WRN: variants seen among roughly 807,000 people sequenced by gnomAD.
WRN encodes bifunctional 3'-5' exonuclease/ATP-dependent helicase WRN.
Under a neutral mutation model 180.7 loss-of-function variants are expected in WRN, and 149 were observed. The observed-to-expected ratio is 0.82, with a 90% CI of 0.72 to 0.94. The LOEUF (loss-of-function observed/expected upper bound fraction) is 0.94. WRN is among the 40% of genes least tolerant of loss of function. The pLI is 0.00. For missense variants in WRN, 1,661 were observed against 1,700.1 expected, an observed-to-expected ratio of 0.98 and a Z score of 0.40; for synonymous variants, 548 against 568.9, an observed-to-expected ratio of 0.96 and a Z score of 0.52.
At chr8:31,067,237 A>C in intron 6 of WRN, 55 bp downstream of exon 6, 2 of 1,595,080 alleles carry the variant, frequency 1.3e-6, no homozygotes, top group Non-Finnish European at 1.7e-6. Context: ...CATTATTATA[A>C]ATGACTTTAG....
rs769291583 is a variant in WRN, at chr8:31,068,303, G to C, written c.700G>C (p.Val234Leu). 18 of 1,608,750 alleles carry C rather than the reference G, an allele frequency of 1.1e-5. No individual in the cohort carries two copies. In the Admixed American group the frequency reaches 3.0e-4, roughly 27 times the overall value. Residue 234 changes from valine (V) to leucine (L), a missense_variant, in exon 7 of 35, where the codon GTG becomes CTG. Physicochemically the swap from Val to Leu is conservative, Grantham distance 32. Transcript: ENST00000298139. ...AAATTTAGAGATTTTGGATGATACT[G>C]TGCAAAGGTTTGCTATAAATAAAGG... ...YRNLEILDDT[V>L]QRFAINKEEE...
intron 8 of WRN, among the ~76,000 whole-genome samples, chr8:31,078,655 G>T (rs928569158): frequency 6.6e-6 from 1 of 152,184 alleles, no homozygotes; most frequent in Non-Finnish European, 1.5e-5. Flanking sequence ...GACTCTGAAG[G>T]TATTGGCAGT....
rs55952524 is a variant in WRN, at chr8:31,125,971, A to AATATATATATATATATATATAT, written c.2825+978_2825+999dup. Among the ~76,000 whole-genome samples, 122 of 145,588 alleles carry AATATATATATATATATATATAT rather than the reference A, an allele frequency of 8.4e-4. 1 individual carries two copies. The highest frequency in any genetic ancestry group is 3.1e-3 in the African/African-American group (121 of 38,622). On this transcript the variant is annotated intron_variant, in intron 23 of 34. Transcript: ENST00000298139. ...TCACAACCAAGAAGACATCATCCTA[A>AATATATATATATATATATATAT]ATATATATATATATATATATATATA...
At chr8:31,108,239 C>T (rs572013126) in intron 18 of WRN, among the ~76,000 whole-genome samples, 20 of 152,286 alleles carry the variant, frequency 1.3e-4, no homozygotes, top group Middle Eastern at 3.4e-3. Context: ...CAGTTTGCTT[C>T]TGAAAATTAA....
At chr8:31,090,160 G>T (rs1023845523) in intron 13 of WRN, among the ~76,000 whole-genome samples, 2 of 150,214 alleles carry the variant, frequency 1.3e-5, no homozygotes, top group Non-Finnish European at 3.0e-5. Flanking sequence ...TTGTCCCTGA[G>T]CATTTCTCTT....
intron 1 of WRN, among the ~76,000 whole-genome samples, chr8:31,056,479 G>A (rs1812278537): frequency 6.6e-6 from 1 of 152,108 alleles, no homozygotes; most frequent in Non-Finnish European, 1.5e-5. Flanking sequence ...CACTACATAT[G>A]ACGCATGTGG....
At chr8:31,113,308 G>A (rs1801389855) in intron 19 of WRN, among the ~76,000 whole-genome samples, 1 of 151,990 alleles carries the variant, frequency 6.6e-6, no homozygotes, top group Admixed American at 6.6e-5. Context: ...GAATATTGAT[G>A]CTAGGCCAAG....
Position 31,136,620 on chromosome 8 carries a change from G to A in WRN, c.2967+4114G>A, listed in dbSNP as rs1363001352. On this transcript the variant is annotated intron_variant, in intron 24 of 34. Coordinates refer to ENST00000298139, the MANE Select transcript of WRN (RefSeq NM_000553.6). ...GGAAGCCGAGGTGGGGGGATTGCTC[G>A]AGACCAGGAGTTCAAGATGAGCCTG... is the stretch of plus-strand genomic sequence containing the variant. Among the ~76,000 whole-genome samples, 6 of 152,062 alleles carry A rather than the reference G, an allele frequency of 3.9e-5. No individual in the cohort carries two copies. The East Asian group carries it at 5.8e-4, about 15-fold the overall frequency.
intron 7 of WRN, among the ~76,000 whole-genome samples, chr8:31,071,630 T>A (rs1812916679): frequency 6.6e-6 from 1 of 152,140 alleles, no homozygotes; most frequent in African/African-American, 2.4e-5. Context: ...TACAGGTGCC[T>A]GCCACCACGC....
chr8:31,042,738 A>G (rs1585384908), intron 1 of WRN, among the ~76,000 whole-genome samples: 1 of 152,246 alleles, frequency 6.6e-6, no homozygotes, highest in African/African-American at 2.4e-5. Flanking sequence ...AGAGAAGTAG[A>G]GTACTCTATG....
Position 31,173,070 on chromosome 8 carries a change from G to T in WRN, c.4267G>T (p.Asp1423Tyr). 1 of 1,613,936 alleles carries T rather than the reference G, an allele frequency of 6.2e-7. No individual in the cohort carries two copies. Among genetic ancestry groups the T allele is most frequent in the Non-Finnish European group, 8.5e-7 (1 of 1,179,934 alleles). ...AAGTGATACCAGCAAGAAATTAATG[G>T]ACAAAACGAAAAGGGGAGGTCTTTT... ...KGSDTSKKLM[D>Y]KTKRGGLFS The change falls in exon 35 of 35, where the codon GAC becomes TAC. Residue 1423 changes from aspartate (D) to tyrosine (Y), a missense_variant. Around this residue, in one of 3 missense-constraint regions of WRN, gnomAD observed 1,141 missense variants for 1,149.4 expected, o/e 0.99. Coordinates refer to ENST00000298139, the MANE Select transcript of WRN (RefSeq NM_000553.6).
chr8:31,159,938 C>A (rs1803545042), intron 33 of WRN, among the ~76,000 whole-genome samples: 1 of 101,462 alleles, frequency 9.9e-6, no homozygotes, highest in Non-Finnish European at 1.9e-5. Flanking sequence ...GAGTGAGACT[C>A]TGTCTCAAAA....
intron 9 of WRN, 138 bp downstream of exon 9, chr8:31,081,434 G>A (rs752147806): frequency 2.7e-4 from 242 of 910,822 alleles, no homozygotes; most frequent in Non-Finnish European, 3.5e-4. Flanking sequence ...TTCTGTTATT[G>A]TAGTGTGAAA....
intron 1 of WRN, among the ~76,000 whole-genome samples, chr8:31,038,515 G>A (rs922160262): frequency 1.3e-5 from 2 of 151,538 alleles, no homozygotes; most frequent in African/African-American, 4.9e-5. Flanking sequence ...CATTTTGTGG[G>A]TTTTCTTCAC....
In WRN at chr8:31,150,427, A is replaced by G. The variant is rs755045369; in HGVS notation, c.3659A>G (p.Lys1220Arg). ...TTGGCCCCTCTGTTGGAAGTCATCA[A>G]ACATTTCTGCCAAACAAATAGTGTT... ...AMLAPLLEVIKHFCQTNSVQT... is the reference protein window; with the variant it reads ...AMLAPLLEVIRHFCQTNSVQT... Residue 1220 changes from lysine (K) to arginine (R), a missense_variant, in exon 31 of 35, where the codon AAA becomes AGA. Around this residue, in one of 3 missense-constraint regions of WRN, gnomAD observed 1,141 missense variants for 1,149.4 expected, o/e 0.99. Coordinates refer to ENST00000298139, the MANE Select transcript of WRN (RefSeq NM_000553.6). The G allele has an allele frequency of 1.9e-6, 3 of 1,614,162 alleles. No individual in the cohort carries two copies. Among genetic ancestry groups the G allele is most frequent in the East Asian group, 4.5e-5 (2 of 44,868 alleles).
chr8:31,147,010 G>A, intron 28 of WRN, 43 bp from the exon 29 acceptor site: 1 of 1,506,840 alleles, frequency 6.6e-7, no homozygotes, highest in Non-Finnish European at 9.1e-7. Flanking sequence ...TCAATGAGGA[G>A]AAAGAAAAGC....
intron 31 of WRN, among the ~76,000 whole-genome samples, chr8:31,150,989 T>A (rs1474839513): frequency 6.6e-6 from 1 of 152,216 alleles, no homozygotes; most frequent in African/African-American, 2.4e-5. Flanking sequence ...AAATGTCATT[T>A]AGGATTTTCT....
At chr8:31,121,872 T>G (rs1010755990) in intron 21 of WRN, among the ~76,000 whole-genome samples, 1 of 151,988 alleles carries the variant, frequency 6.6e-6, no homozygotes, top group Non-Finnish European at 1.5e-5. Context: ...GTTGTATCTG[T>G]CAAGCTTCTT....
chr8:31,173,270 T>A lies in WRN; in HGVS notation c.*168T>A, dbSNP rs1804170242. The A allele has an allele frequency of 2.9e-6, 2 of 692,738 alleles. No homozygotes were observed. The highest frequency in any genetic ancestry group is 3.6e-5 in the African/African-American group (2 of 55,918). 42.9% of individuals were successfully genotyped at this position (692,738 alleles called of 1,614,324 possible). A position where few individuals can be genotyped will look rare whatever the true frequency, so the allele number is the denominator to read the frequency against. On this transcript the variant is annotated 3_prime_UTR_variant, in exon 35 of 35. Transcript: ENST00000298139. ...TTAAATCAGCCTTCCGCAATTCATG[T>A]AGTTTCTGGGTCTTCTGGGAGCCTA...
Sources: gnomAD v4.1 joint callset for allele counts (sites outside exome capture counted in the v4.1 genomes callset) on GRCh38, gnomAD v4.1.1 for gene constraint, gnomAD v4.1.1 regional missense constraint, MANE v1.5 for transcripts, NCBI Gene and HGNC (gene_info 2026-07-23, HGNC 2026-07-21) for gene names.